The following ZNHIT6 variants were observed in gnomAD, a reference collection of about 807,000 sequenced individuals.
ZNHIT6 encodes box C/D snoRNA protein 1.
A neutral mutation model predicts 57.2 loss-of-function variants in ZNHIT6; 45 were observed. That is an observed-to-expected ratio of 0.79 (90% CI 0.62 to 1.01). The LOEUF (loss-of-function observed/expected upper bound fraction) is 1.01. Among genes scored for constraint, ZNHIT6 ranks in the 50% least tolerant of loss-of-function variants. The pLI is 0.00. For synonymous variants in ZNHIT6, 188 were observed against 190.0 expected, an observed-to-expected ratio of 0.99 and a Z score of 0.09; for missense variants, 528 against 567.3, an observed-to-expected ratio of 0.93 and a Z score of 0.70.
chr1:85,666,261 T>C (rs939043568), intron 8 of ZNHIT6, among the ~76,000 whole-genome samples: 24 of 152,176 alleles, frequency 1.6e-4, no homozygotes, highest in African/African-American at 4.8e-4. Flanking sequence ...AGAATGGGTA[T>C]TGGAATACAC....
intron 5 of ZNHIT6, among the ~76,000 whole-genome samples, chr1:85,693,683 A>T (rs576936415): frequency 2.2e-4 from 34 of 152,368 alleles, no homozygotes; most frequent in African/African-American, 7.9e-4. Flanking sequence ...CAAAGCAATC[A>T]GAAGAGAAAA....
chr1:85,701,256 G>C (rs2100717900), intron 5 of ZNHIT6, among the ~76,000 whole-genome samples: 1 of 152,228 alleles, frequency 6.6e-6, no homozygotes, highest in African/African-American at 2.4e-5. Context: ...AACTGGAAAG[G>C]CTCCGTAGTT....
At chr1:85,670,586 T>A (rs565585082) in intron 8 of ZNHIT6, among the ~76,000 whole-genome samples, 3 of 152,214 alleles carry the variant, frequency 2.0e-5, no homozygotes, top group South Asian at 4.1e-4. Context: ...CAAAAGAGAG[T>A]TAATCATCAT....
chr1:85,694,362 T>C (rs1367031376), intron 5 of ZNHIT6, among the ~76,000 whole-genome samples: 1 of 152,224 alleles, frequency 6.6e-6, no homozygotes, highest in Non-Finnish European at 1.5e-5. Context: ...TGGATAAATA[T>C]CTGATAAAGC....
At chr1:85,698,037 A>C (rs1359131313) in intron 5 of ZNHIT6, among the ~76,000 whole-genome samples, 1 of 152,186 alleles carries the variant, frequency 6.6e-6, no homozygotes, top group Non-Finnish European at 1.5e-5. Flanking sequence ...AATAAGGAGG[A>C]GAGCCAACAT....
intron 8 of ZNHIT6, among the ~76,000 whole-genome samples, chr1:85,667,974 A>G (rs1468266560): frequency 3.6e-5 from 4 of 110,118 alleles, no homozygotes; most frequent in Non-Finnish European, 7.7e-5. Context: ...ATATATATAT[A>G]TATATATATA....
intron 8 of ZNHIT6, among the ~76,000 whole-genome samples, chr1:85,676,331 C>T (rs1221626395): frequency 2.9e-4 from 41 of 142,116 alleles, no homozygotes; most frequent in Non-Finnish European, 6.1e-5. Flanking sequence ...AGTGAAACTC[C>T]GTCTCAAAAA....
chr1:85,665,431 G>T (rs541953139), intron 8 of ZNHIT6, among the ~76,000 whole-genome samples: 1 of 151,966 alleles, frequency 6.6e-6, no homozygotes, highest in South Asian at 2.1e-4. Flanking sequence ...CCGGCCTCAA[G>T]TTGATATTCT....
At chr1:85,694,771 A>G (rs760982423) in intron 5 of ZNHIT6, among the ~76,000 whole-genome samples, 8 of 152,132 alleles carry the variant, frequency 5.3e-5, no homozygotes, top group East Asian at 1.9e-4. Flanking sequence ...CAAATTTTTC[A>G]TAATAAAATA....
In ZNHIT6 at chr1:85,657,441, A is replaced by G. The variant is rs149292715; in HGVS notation, c.1372+406T>C. 4.9e-3 allele frequency among the ~76,000 whole-genome samples: 726 copies of G among 147,456 alleles called. 4 individuals carry two copies. Among genetic ancestry groups the G allele is most frequent in the African/African-American group, 0.017 (685 of 40,374 alleles). ...TTTTTTTTTTTTTTTTTAACCATTC[A>G]ACATTTTCATTGTCAACTAAAAATG... On this transcript the variant is annotated intron_variant, in intron 9 of 9. Coordinates refer to ENST00000370574, the MANE Select transcript of ZNHIT6 (RefSeq NM_017953.4).
At chr1:85,679,997 G>A (rs926954641) in intron 6 of ZNHIT6, among the ~76,000 whole-genome samples, 3 of 152,220 alleles carry the variant, frequency 2.0e-5, no homozygotes, top group Non-Finnish European at 2.9e-5. Flanking sequence ...CTTGAGGCCA[G>A]GAGTTTGAGA....
chr1:85,682,707 T>G (rs1342526293), intron 5 of ZNHIT6, among the ~76,000 whole-genome samples: 1 of 152,210 alleles, frequency 6.6e-6, no homozygotes, highest in East Asian at 1.9e-4. Flanking sequence ...ACTTTTAAAA[T>G]GTGATCTTCC....
At chr1:85,697,123 G>C (rs1662395319) in intron 5 of ZNHIT6, among the ~76,000 whole-genome samples, 1 of 151,882 alleles carries the variant, frequency 6.6e-6, no homozygotes, top group African/African-American at 2.4e-5. Context: ...ACCTGCCTCA[G>C]CCTCCCAGAG....
chr1:85,682,232 G>A (rs984813329), intron 5 of ZNHIT6, among the ~76,000 whole-genome samples: 1 of 144,088 alleles, frequency 6.9e-6, no homozygotes, highest in Non-Finnish European at 1.5e-5. Context: ...CACTACGTTC[G>A]CCAGGATGGT....
At chr1:85,675,544 C>T (rs2100673050) in intron 8 of ZNHIT6, among the ~76,000 whole-genome samples, 1 of 152,148 alleles carries the variant, frequency 6.6e-6, no homozygotes, top group South Asian at 2.1e-4. Context: ...TCTTAAGGGC[C>T]CTAGGATCTC....
intron 5 of ZNHIT6, among the ~76,000 whole-genome samples, chr1:85,697,481 T>A (rs1662409861): frequency 6.6e-6 from 1 of 152,228 alleles, no homozygotes; most frequent in South Asian, 2.1e-4. Flanking sequence ...TCAACTCTAT[T>A]TATTGAATAA....
At chr1:85,658,018 C>A in intron 8 of ZNHIT6, 47 bp from the exon 9 acceptor site, 2 of 1,258,982 alleles carry the variant, frequency 1.6e-6, no homozygotes, top group South Asian at 3.0e-5. Flanking sequence ...TCTTAATATT[C>A]AAAATTACTA....
In ZNHIT6 at chr1:85,679,671, G is replaced by A. The variant is rs188130658; in HGVS notation, c.1089-890C>T. ...ATGATCTTGGCTCACTGCAACCTCCGCCTCCTGCATTTAAGCTATTCTCAT... is the reference window on the plus strand; with the variant it reads ...ATGATCTTGGCTCACTGCAACCTCCACCTCCTGCATTTAAGCTATTCTCAT... On this transcript the variant is annotated intron_variant, in intron 6 of 9. Transcript: ENST00000370574. Among the ~76,000 whole-genome samples, 113 of 148,470 alleles carry A rather than the reference G, an allele frequency of 7.6e-4. 1 individual carries two copies. In the East Asian group the frequency reaches 0.02, roughly 27 times the overall value.
At chr1:85,702,955 T>G (rs1438912995) in intron 4 of ZNHIT6, among the ~76,000 whole-genome samples, 1 of 152,102 alleles carries the variant, frequency 6.6e-6, no homozygotes, top group Non-Finnish European at 1.5e-5. Flanking sequence ...TAAACGCAAG[T>G]TTTTTGTTAA....
Sources: gnomAD v4.1 joint callset for allele counts (sites outside exome capture counted in the v4.1 genomes callset) on GRCh38, gnomAD v4.1.1 for gene constraint, MANE v1.5 for transcripts, NCBI Gene and HGNC (gene_info 2026-07-23, HGNC 2026-07-21) for gene names.